Variants in RAPGEF5 observed in about 807,000 individuals in gnomAD.
RAPGEF5 encodes the protein Rap guanine nucleotide exchange factor 5, also known as M-Ras-regulated GEF.
RAPGEF5 carries 65 observed loss-of-function variants against 125.2 expected under a neutral mutation model. The observed-to-expected ratio is 0.52, with a 90% CI of 0.43 to 0.64. The LOEUF (loss-of-function observed/expected upper bound fraction) is 0.64, where lower values mean the gene tolerates loss of function less well. Among genes scored for constraint, RAPGEF5 ranks in the 30% least tolerant of loss-of-function variants. The pLI, the probability that RAPGEF5 is intolerant of heterozygous loss-of-function variation, is 0.00. For synonymous variants in RAPGEF5, 391 were observed against 385.9 expected (o/e 1.01, Z -0.16); for missense variants, 958 against 1,048.1 (o/e 0.91, Z 1.19).
At chr7:22,180,037 C>T (rs758011606) in intron 11 of RAPGEF5, among the ~76,000 whole-genome samples, 6 of 152,318 alleles carry the variant, frequency 3.9e-5, no homozygotes, top group Non-Finnish European at 8.8e-5. Flanking sequence ...TCTATGGGTT[C>T]GCCTTGAATT....
chr7:22,302,205 C>G (rs1343405898), intron 5 of RAPGEF5, among the ~76,000 whole-genome samples: 1 of 152,190 alleles, frequency 6.6e-6, no homozygotes, highest in Non-Finnish European at 1.5e-5. Context: ...AATTTGTGGA[C>G]TTTTCAGAAG....
At chr7:22,154,703 C>T (rs896877891) in intron 16 of RAPGEF5, 99 bp from the exon 17 acceptor site, 32 of 1,340,078 alleles carry the variant, frequency 2.4e-5, no homozygotes, top group Non-Finnish European at 3.2e-5. Flanking sequence ...TCTAAATCAA[C>T]CCACCTGGCT....
chr7:22,254,978 T>C (rs1562491054), intron 7 of RAPGEF5, among the ~76,000 whole-genome samples: 1 of 152,076 alleles, frequency 6.6e-6, no homozygotes, highest in Non-Finnish European at 1.5e-5. Context: ...CACCAAACCA[T>C]CGACCAGAGA....
chr7:22,286,315 C>A (rs1187415140), intron 6 of RAPGEF5, among the ~76,000 whole-genome samples: 2 of 152,192 alleles, frequency 1.3e-5, no homozygotes, highest in Non-Finnish European at 2.9e-5. Flanking sequence ...CTCCCACATA[C>A]CCATCTTACC....
chr7:22,272,613 G>A (rs1782461841), intron 6 of RAPGEF5, among the ~76,000 whole-genome samples: 1 of 151,898 alleles, frequency 6.6e-6, no homozygotes, highest in South Asian at 2.1e-4. Context: ...AATGTAAGAA[G>A]AAACATAATC....
At chr7:22,332,654 G>T (rs1033804916) in intron 1 of RAPGEF5, among the ~76,000 whole-genome samples, 15 of 152,140 alleles carry the variant, frequency 9.9e-5, no homozygotes, top group Middle Eastern at 3.2e-3. Flanking sequence ...ACTTGTTTTC[G>T]AAAGCTTTCC....
chr7:22,225,055 G>A (rs1273404973), intron 8 of RAPGEF5, among the ~76,000 whole-genome samples: 5 of 152,116 alleles, frequency 3.3e-5, no homozygotes, highest in African/African-American at 1.2e-4. Flanking sequence ...TGTTTTGGGA[G>A]GCCAAAGCAG....
At chr7:22,124,236 A>G (rs1164405568) in intron 25 of RAPGEF5, among the ~76,000 whole-genome samples, 3 of 152,242 alleles carry the variant, frequency 2.0e-5, no homozygotes, top group African/African-American at 7.2e-5. Flanking sequence ...ATATCTTAGA[A>G]TTAGCTGAAT....
At chr7:22,126,892 A>C (rs182409767) in intron 24 of RAPGEF5, among the ~76,000 whole-genome samples, 2 of 152,230 alleles carry the variant, frequency 1.3e-5, no homozygotes, top group Non-Finnish European at 2.9e-5. Context: ...CAGAATGCTG[A>C]GATTATAGGT....
At chr7:22,184,303 A>C (rs1442969140) in intron 11 of RAPGEF5, among the ~76,000 whole-genome samples, 3 of 152,264 alleles carry the variant, frequency 2.0e-5, no homozygotes, top group Non-Finnish European at 4.4e-5. Flanking sequence ...GAAAGTATTC[A>C]TCTCTCCACA....
intron 1 of RAPGEF5, among the ~76,000 whole-genome samples, chr7:22,346,703 T>C (rs1274282396): frequency 6.6e-6 from 1 of 152,118 alleles, no homozygotes; most frequent in Non-Finnish European, 1.5e-5. Context: ...GCTAGACCAG[T>C]TGGAAAAAAA....
chr7:22,224,835 C>CT lies in RAPGEF5; in HGVS notation c.871-4845dup, dbSNP rs61426791. Among the ~76,000 whole-genome samples, 876 of 140,076 alleles carry CT rather than the reference C, an allele frequency of 6.3e-3. 4 individuals are homozygous for CT. The highest frequency in any genetic ancestry group is 0.013 in the East Asian group (60 of 4,708). 91.9% of individuals were successfully genotyped at this position (140,076 alleles called of 152,430 possible). A position where few individuals can be genotyped will look rare whatever the true frequency, so the allele number is the denominator to read the frequency against. On this transcript the variant is annotated intron_variant, in intron 8 of 25. Transcript: ENST00000665637. ...GTCCCAAGTACAGTGTTTTGGTTTT[C>CT]TTTTTTTTTTTTTTTTAATCAGCTG... is the stretch of plus-strand genomic sequence containing the variant.
At chr7:22,234,295 G>A (rs961341537) in intron 7 of RAPGEF5, among the ~76,000 whole-genome samples, 2 of 152,158 alleles carry the variant, frequency 1.3e-5, no homozygotes, top group Non-Finnish European at 2.9e-5. Context: ...AAGGAGGAAG[G>A]AGTTATTTAG....
At chr7:22,300,371 T>C (rs1475595657) in intron 5 of RAPGEF5, among the ~76,000 whole-genome samples, 2 of 152,250 alleles carry the variant, frequency 1.3e-5, no homozygotes, top group Admixed American at 1.3e-4. Flanking sequence ...GTTTACCTAA[T>C]GGGGCATAGT....
At chr7:22,340,494 TC>T (rs1784104816) in intron 1 of RAPGEF5, among the ~76,000 whole-genome samples, 1 of 152,198 alleles carries the variant, frequency 6.6e-6, no homozygotes, top group Middle Eastern at 3.4e-3. Context: ...CTGGAAAAAC[TC>T]CTTTCCCAGC....
rs1221868546 is a variant in RAPGEF5 at position 22,121,445 on chromosome 7, T to TC, written c.*960dup. 1 of 152,228 alleles carries TC rather than the reference T, an allele frequency of 6.6e-6. No homozygotes were observed. Among genetic ancestry groups the TC allele is most frequent in the Non-Finnish European group, 1.5e-5 (1 of 68,054 alleles). 9.4% of individuals were successfully genotyped at this position (152,228 alleles called of 1,614,324 possible). ...CTTAACCTCCCTGCACTGGCTGCTG[T>TC]CATTCCATAGTGTGGGCAAGGAGCC... is the stretch of plus-strand genomic sequence containing the variant. On this transcript the variant is annotated 3_prime_UTR_variant, in exon 26 of 26. Transcript: ENST00000665637.
chr7:22,288,749 TA>T (rs1782860364), intron 6 of RAPGEF5, among the ~76,000 whole-genome samples: 1 of 152,028 alleles, frequency 6.6e-6, no homozygotes, highest in Non-Finnish European at 1.5e-5. Flanking sequence ...GTCTCAATCT[TA>T]AAAAAATCAA....
intron 18 of RAPGEF5, among the ~76,000 whole-genome samples, chr7:22,149,560 G>A (rs1462676008): frequency 6.6e-6 from 1 of 152,182 alleles, no homozygotes; most frequent in Non-Finnish European, 1.5e-5. Context: ...AGGCATAGGT[G>A]TTCTTAAATT....
intron 5 of RAPGEF5, 54 bp downstream of exon 5, chr7:22,308,285 G>C: frequency 6.8e-7 from 1 of 1,479,060 alleles, no homozygotes; most frequent in Non-Finnish European, 9.1e-7. Flanking sequence ...CCCTAGACAT[G>C]GTAAATGTTG....
Sources: gnomAD v4.1 joint callset for allele counts (sites outside exome capture counted in the v4.1 genomes callset) on GRCh38, gnomAD v4.1.1 for gene constraint, MANE v1.5 for transcripts, NCBI Gene and HGNC (gene_info 2026-07-23, HGNC 2026-07-21) for gene names.